The following KNDC1 variants were observed in gnomAD, a reference collection of about 807,000 sequenced individuals.
KNDC1 encodes the protein kinase non-catalytic C-lobe domain containing 1.
In KNDC1, 106 loss-of-function variants were observed where a neutral mutation model predicts 172.8. The observed-to-expected ratio is 0.61, with a 90% CI of 0.52 to 0.72. KNDC1 has a LOEUF of 0.72. KNDC1 is among the 30% of genes least tolerant of loss of function. The pLI is 0.00. For synonymous variants in KNDC1, 1,083 were observed against 1,062.2 expected (o/e 1.02, Z -0.38); for missense variants, 2,325 against 2,394.5 (o/e 0.97, Z 0.61).
intron 17 of KNDC1, among the ~76,000 whole-genome samples, chr10:133,204,772 C>T (rs935796556): frequency 1.3e-5 from 2 of 152,214 alleles, no homozygotes; most frequent in South Asian, 2.1e-4. Context: ...AACCGCACTT[C>T]ACAAAAGGAA....
chr10:133,213,244 C>CA (rs1259650109), intron 24 of KNDC1, among the ~76,000 whole-genome samples: 1 of 152,238 alleles, frequency 6.6e-6, no homozygotes, highest in Non-Finnish European at 1.5e-5. Context: ...TCTCTCCCCC[C>CA]AGCCCCTCCA....
At chr10:133,194,311 AAG>A (rs1333563808) in intron 9 of KNDC1, among the ~76,000 whole-genome samples, 5 of 152,224 alleles carry the variant, frequency 3.3e-5, no homozygotes, top group African/African-American at 9.6e-5. Flanking sequence ...CTATGTGTCA[AAG>A]AGAAAATTTC....
intron 3 of KNDC1, among the ~76,000 whole-genome samples, chr10:133,172,668 G>A (rs925867416): frequency 6.6e-6 from 1 of 152,152 alleles, no homozygotes; most frequent in Non-Finnish European, 1.5e-5. Flanking sequence ...TTTTCTTTAG[G>A]AAAGATTTTT....
At position 133,209,624 on chromosome 10, in the gene KNDC1, G is replaced by C. The variant is rs1460703701; in HGVS notation, c.3795-987G>C. Among the ~76,000 whole-genome samples, 1 of 152,028 alleles carries C rather than the reference G, an allele frequency of 6.6e-6. No individual in the cohort carries two copies. Among genetic ancestry groups the C allele is most frequent in the Admixed American group, 6.6e-5 (1 of 15,258 alleles). ...TTGTACAGTTTGTGGCTTGCATGGC[G>C]TGAGTGTGAGTGCTGTGCTTCCATG... is the stretch of plus-strand genomic sequence containing the variant. On this transcript the variant is annotated intron_variant, in intron 20 of 29. Transcript: ENST00000304613. The surrounding 1 kb of genome is among the most constrained non-coding windows in gnomAD (Gnocchi z 4.9).
At chr10:133,204,176 C>T (rs919064216) in intron 17 of KNDC1, among the ~76,000 whole-genome samples, 4 of 152,174 alleles carry the variant, frequency 2.6e-5, no homozygotes, top group Non-Finnish European at 4.4e-5. Flanking sequence ...CCAGGTGCCC[C>T]GGCAGCAGAA....
chr10:133,178,037 G>A (rs1182480909), intron 3 of KNDC1, among the ~76,000 whole-genome samples: 1 of 150,326 alleles, frequency 6.7e-6, no homozygotes, highest in African/African-American at 2.5e-5. Context: ...TGTGTCATGG[G>A]CACACGTGTG....
In KNDC1 at chr10:133,160,376, C is replaced by A. The variant is rs1285957729; in HGVS notation, c.-92C>A. ...CGGGCGGGCGGGGGCGGGCGAGGGCCGGGCGCGTCTCCATGGAGCCAGGGC... is the reference window on the plus strand; with the variant it reads ...CGGGCGGGCGGGGGCGGGCGAGGGCAGGGCGCGTCTCCATGGAGCCAGGGC... On this transcript the variant is annotated 5_prime_UTR_variant, in exon 1 of 30. Transcript: ENST00000304613. 3.5e-6 allele frequency: 2 copies of A among 570,554 alleles called. No homozygotes were observed. The highest frequency in any genetic ancestry group is 5.0e-5 in the East Asian group (1 of 19,986). 35.3% of individuals were successfully genotyped at this position (570,554 alleles called of 1,614,324 possible). A position where few individuals can be genotyped will look rare whatever the true frequency, so the allele number is the denominator to read the frequency against.
At chr10:133,169,019 G>A (rs971589364) in intron 3 of KNDC1, among the ~76,000 whole-genome samples, 1 of 152,254 alleles carries the variant, frequency 6.6e-6, no homozygotes, top group Non-Finnish European at 1.5e-5. Context: ...CCCCGGGCAG[G>A]GAGTGGCCCA....
At chr10:133,200,539 A>C in intron 16 of KNDC1, 79 bp downstream of exon 16, 1 of 1,140,908 alleles carries the variant, frequency 8.8e-7, no homozygotes, top group African/African-American at 1.6e-5. Context: ...GGGGCGCCCC[A>C]GGGTCCCAGC....
chr10:133,205,869 CAAAAAAT>C (rs1264526842), intron 17 of KNDC1, among the ~76,000 whole-genome samples: 3 of 151,182 alleles, frequency 2.0e-5, no homozygotes, highest in Non-Finnish European at 4.4e-5. Context: ...GACCTCATCT[CAAAAAAT>C]AAAAAATAAA....
At chr10:133,193,969 A>G (rs553621381) in intron 9 of KNDC1, among the ~76,000 whole-genome samples, 46 of 152,370 alleles carry the variant, frequency 3.0e-4, no homozygotes, top group African/African-American at 7.7e-4. Context: ...ATCCACAATT[A>G]TAGTTGGAGA....
intron 4 of KNDC1, 34 bp downstream of exon 4, chr10:133,183,524 T>A: frequency 6.4e-7 from 1 of 1,571,150 alleles, no homozygotes; most frequent in Non-Finnish European, 8.6e-7. Flanking sequence ...CCCCAGGCTG[T>A]GACCCTGACC....
chr10:133,197,758 G>A lies in KNDC1; in HGVS notation c.1896G>A (p.Glu632=), dbSNP rs1854235998. The A allele has an allele frequency of 6.8e-6, 11 of 1,611,720 alleles. No homozygotes were observed. Among genetic ancestry groups the A allele is most frequent in the Non-Finnish European group, 9.3e-6 (11 of 1,179,682 alleles). Residue 632 remains glutamate (E), a synonymous_variant, in exon 12 of 30, where the codon GAG becomes GAA. Transcript: ENST00000304613. ...AGCCCAGTGTGGCACCAGCCCCAGA[G>A]CCCAGCCCAGGTGGGGACCTGACCA... The part of the protein sequence containing the change: ...ELKPSVAPAP[E]PSPGFLPVNS...
Position 133,211,500 on chromosome 10 carries a change from C to T in KNDC1, c.3987C>T (p.Asp1329=), listed in dbSNP as rs1845362308. 2 of 1,613,894 alleles carry T rather than the reference C, an allele frequency of 1.2e-6. No individual in the cohort carries two copies. The highest frequency in any genetic ancestry group is 8.5e-7 in the Non-Finnish European group (1 of 1,179,920). Residue 1329 remains aspartate (D), a synonymous_variant, in exon 22 of 30, where the codon GAC becomes GAT. Transcript: ENST00000304613. ...SLCVLQAWVE[D]CYAVDFPRNS... ...GCGTCCTGCAGGCCTGGGTGGAGGA[C>T]TGCTACGCTGTGGACTTCCCTCGGA...
intron 29 of KNDC1, among the ~76,000 whole-genome samples, chr10:133,222,020 G>A (rs1056427574): frequency 6.8e-6 from 1 of 146,210 alleles, no homozygotes; most frequent in Non-Finnish European, 1.5e-5. Context: ...GGTGGCTCAC[G>A]CCAGTAACTC....
intron 3 of KNDC1, among the ~76,000 whole-genome samples, chr10:133,181,235 C>T (rs1853708350): frequency 1.3e-5 from 2 of 152,268 alleles, no homozygotes; most frequent in African/African-American, 4.8e-5. Flanking sequence ...ACATGGGAAG[C>T]ACCCACAGCA....
chr10:133,214,719 C>CCAAGGT (rs1450594701), intron 26 of KNDC1, among the ~76,000 whole-genome samples: 4 of 152,256 alleles, frequency 2.6e-5, no homozygotes, highest in African/African-American at 4.8e-5. Context: ...CGTGGTCTGA[C>CCAAGGT]CAAGGTCAAG....
chr10:133,205,519 C>T (rs909304467), intron 17 of KNDC1, among the ~76,000 whole-genome samples: 8 of 152,252 alleles, frequency 5.3e-5, no homozygotes, highest in Non-Finnish European at 1.0e-4. Flanking sequence ...ACTCAACGCT[C>T]ATGCTCTATG....
chr10:133,203,713 C>T (rs539006606), intron 17 of KNDC1, among the ~76,000 whole-genome samples: 7 of 152,358 alleles, frequency 4.6e-5, no homozygotes, highest in African/African-American at 9.6e-5. Context: ...GTTCCTCCCC[C>T]GTCTGTCTGC....
Sources: gnomAD v4.1 joint callset for allele counts (sites outside exome capture counted in the v4.1 genomes callset) on GRCh38, gnomAD v4.1.1 for gene constraint, Gnocchi (gnomAD v3.1) non-coding constraint, MANE v1.5 for transcripts, NCBI Gene and HGNC (gene_info 2026-07-23, HGNC 2026-07-21) for gene names.